The following SGCZ variants were observed in gnomAD, a reference collection of about 807,000 sequenced individuals.
SGCZ encodes zeta-sarcoglycan.
Under a neutral mutation model 41.3 loss-of-function variants are expected in SGCZ, and 40 were observed. The observed-to-expected ratio is 0.97, with a 90% CI of 0.75 to 1.26. SGCZ has a LOEUF of 1.26. Among genes scored for constraint, SGCZ ranks in the 50% most tolerant of loss-of-function variants. SGCZ has a pLI of 0.00. For synonymous variants in SGCZ, 206 were observed against 137.5 expected, an observed-to-expected ratio of 1.50 and a Z score of -3.49; for missense variants, 552 against 369.8, an observed-to-expected ratio of 1.49 and a Z score of -4.04.
At chr8:14,455,167 A>T (rs1280975004) in intron 2 of SGCZ, among the ~76,000 whole-genome samples, 1 of 152,278 alleles carries the variant, frequency 6.6e-6, no homozygotes, top group Middle Eastern at 3.4e-3. Context: ...GAATTCATAA[A>T]AGTTAAGGGA....
At chr8:14,780,299 C>G (rs968871544) in intron 1 of SGCZ, among the ~76,000 whole-genome samples, 1 of 147,626 alleles carries the variant, frequency 6.8e-6, no homozygotes, top group African/African-American at 2.5e-5. Flanking sequence ...AGCACGAACC[C>G]GGGGGGCAGA....
intron 3 of SGCZ, among the ~76,000 whole-genome samples, chr8:14,314,266 G>C (rs935876535): frequency 1.3e-5 from 2 of 149,702 alleles, no homozygotes; most frequent in East Asian, 1.9e-4. Flanking sequence ...GTTTTAATGA[G>C]GGTCTTCTAT....
At chr8:14,632,199 T>C (rs1430371471) in intron 1 of SGCZ, among the ~76,000 whole-genome samples, 2 of 151,854 alleles carry the variant, frequency 1.3e-5, no homozygotes, top group South Asian at 2.1e-4. Flanking sequence ...TTAAGATTTT[T>C]TTTTATAGAG....
chr8:14,667,934 C>A (rs968956617), intron 1 of SGCZ, among the ~76,000 whole-genome samples: 27 of 152,056 alleles, frequency 1.8e-4, no homozygotes, highest in African/African-American at 6.5e-4. Context: ...AAATTTCAAC[C>A]ATGATCCACC....
At chr8:14,581,018 C>T (rs1286260202) in intron 1 of SGCZ, among the ~76,000 whole-genome samples, 2 of 152,222 alleles carry the variant, frequency 1.3e-5, no homozygotes, top group Non-Finnish European at 2.9e-5. Context: ...TACACTGATA[C>T]AGGTATCCTG....
chr8:14,852,193 A>G (rs1026280523), intron 1 of SGCZ, among the ~76,000 whole-genome samples: 5 of 152,162 alleles, frequency 3.3e-5, no homozygotes, highest in African/African-American at 1.2e-4. Context: ...CTCAAGCGCA[A>G]TATTTTTTCA....
intron 3 of SGCZ, among the ~76,000 whole-genome samples, chr8:14,253,012 A>G (rs906527548): frequency 4.6e-5 from 7 of 152,162 alleles, no homozygotes; most frequent in Non-Finnish European, 7.3e-5. Context: ...ACTGGATGCG[A>G]CGTCCTCATT....
At chr8:14,235,190 C>T (rs78046554) in intron 4 of SGCZ, among the ~76,000 whole-genome samples, 1,615 of 152,276 alleles carry the variant, frequency 0.011, 25 homozygotes, top group African/African-American at 0.036. Context: ...AAATAGCTCC[C>T]TGTGGCTTTG....
In SGCZ at chr8:14,383,954, T is replaced by G. The variant is rs576400429; in HGVS notation, c.235-59750A>C. Among the ~76,000 whole-genome samples, 3 of 152,038 alleles carry G rather than the reference T, an allele frequency of 2.0e-5. 1 individual carries two copies. The South Asian group carries it at 6.2e-4, about 32-fold the overall frequency. ...TTTAACAGAATATTTTGAATTTTCT[T>G]TTTTTTCTTTTTTTAAATTTTATTA... On this transcript the variant is annotated intron_variant, in intron 2 of 7. Transcript: ENST00000382080.
intron 1 of SGCZ, among the ~76,000 whole-genome samples, chr8:14,865,568 A>G (rs1281592314): frequency 2.0e-5 from 3 of 152,130 alleles, no homozygotes; most frequent in African/African-American, 7.2e-5. Flanking sequence ...TATAAGCATG[A>G]CACGTTTTGC....
At chr8:14,616,580 T>G (rs1410361166) in intron 1 of SGCZ, among the ~76,000 whole-genome samples, 1 of 152,120 alleles carries the variant, frequency 6.6e-6, no homozygotes, top group East Asian at 1.9e-4. Flanking sequence ...AACATCCCTG[T>G]CCAGGTGTTC....
chr8:14,717,916 A>C (rs193163290), intron 1 of SGCZ, among the ~76,000 whole-genome samples: 1 of 151,652 alleles, frequency 6.6e-6, no homozygotes, highest in Non-Finnish European at 1.5e-5. Flanking sequence ...CATCAGATTT[A>C]TTTCATCCCT....
chr8:14,385,613 T>A (rs1804548233), intron 2 of SGCZ, among the ~76,000 whole-genome samples: 1 of 152,130 alleles, frequency 6.6e-6, no homozygotes, highest in Admixed American at 6.5e-5. Context: ...AGTGTAGAGA[T>A]AATAGTCCAT....
At chr8:15,237,351 G>A (rs1312727686) in intron 1 of SGCZ, among the ~76,000 whole-genome samples, 1 of 152,204 alleles carries the variant, frequency 6.6e-6, no homozygotes, top group Admixed American at 6.5e-5. Flanking sequence ...CTGGCGGGAG[G>A]AGCAGGCGGG....
intron 3 of SGCZ, among the ~76,000 whole-genome samples, chr8:14,240,327 CAAAAAAAAAAAAA>C (rs59351247): frequency 1.0e-3 from 117 of 115,222 alleles, no homozygotes; most frequent in African/African-American, 3.2e-3. Context: ...AACTCTGTGT[CAAAAAAAAAAAAA>C]AAAAAAAAAA....
chr8:14,596,482 A>C (rs1031641913), intron 1 of SGCZ, among the ~76,000 whole-genome samples: 18 of 152,200 alleles, frequency 1.2e-4, no homozygotes, highest in Non-Finnish European at 4.4e-5. Context: ...TTTCATAAAC[A>C]ATTTCATATG....
intron 1 of SGCZ, among the ~76,000 whole-genome samples, chr8:15,094,805 T>TC (rs1347130960): frequency 6.6e-6 from 1 of 152,290 alleles, no homozygotes; most frequent in East Asian, 1.9e-4. Flanking sequence ...TGAGGAGCTT[T>TC]CCCCTTCGCT....
At chr8:14,918,591 T>C (rs540817470) in intron 1 of SGCZ, among the ~76,000 whole-genome samples, 1 of 152,332 alleles carries the variant, frequency 6.6e-6, no homozygotes, top group African/African-American at 2.4e-5. Flanking sequence ...AGCCAATCAA[T>C]GAGAGTAATT....
chr8:14,639,397 T>A (rs1390218519), intron 1 of SGCZ, among the ~76,000 whole-genome samples: 1 of 151,644 alleles, frequency 6.6e-6, no homozygotes. Context: ...AGCAAAAGCT[T>A]TTAAGGGCCA....
Sources: allele counts gnomAD v4.1 joint callset (sites outside exome capture counted in the v4.1 genomes callset), GRCh38; gene constraint gnomAD v4.1.1; transcripts MANE v1.5; gene names NCBI Gene and HGNC (gene_info 2026-07-23, HGNC 2026-07-21).